ARHGAP25: variants seen among roughly 807,000 people sequenced by gnomAD.
ARHGAP25 encodes Rho GTPase activating protein 25.
Under a neutral mutation model 71.0 loss-of-function variants are expected in ARHGAP25, and 34 were observed. The observed-to-expected ratio is 0.48, with a 90% CI of 0.36 to 0.64. ARHGAP25 has a LOEUF of 0.64. Ranked by LOEUF, ARHGAP25 falls within the 30% of genes least tolerant of loss-of-function variation. The pLI is 0.00. For synonymous variants in ARHGAP25, 282 were observed against 296.5 expected, an observed-to-expected ratio of 0.95 and a Z score of 0.50; for missense variants, 706 against 805.1, an observed-to-expected ratio of 0.88 and a Z score of 1.49.
chr2:68,756,788 C>T (rs1041033179), intron 1 of ARHGAP25, among the ~76,000 whole-genome samples: 2 of 152,026 alleles, frequency 1.3e-5, no homozygotes, highest in African/African-American at 4.8e-5. Flanking sequence ...AAACGTATGG[C>T]CCACTCAAAG....
chr2:68,780,424 T>C (rs1259401178), intron 2 of ARHGAP25, among the ~76,000 whole-genome samples: 1 of 152,216 alleles, frequency 6.6e-6, no homozygotes, highest in Non-Finnish European at 1.5e-5. Context: ...TCATCCAAAG[T>C]AGCTCAGCAG....
In ARHGAP25 at chr2:68,715,531, CT is replaced by C. The variant is rs1433045013; in HGVS notation, c.-18+4834del. Among the ~76,000 whole-genome samples, 3 of 152,240 alleles carry C rather than the reference CT, an allele frequency of 2.0e-5. No homozygotes were observed. The East Asian group carries it at 5.8e-4, about 29-fold the overall frequency. ...TAGGGGCTTCCGGGAGGCGGTCGTG[CT>C]CTTGAAAAAGATGCTTGGGAAGAGT... On this transcript the variant is annotated intron_variant and NMD_transcript_variant, in intron 2 of 7. Coordinates refer to the ARHGAP25 transcript ENST00000463483.
intron 1 of ARHGAP25, among the ~76,000 whole-genome samples, chr2:68,736,504 A>G (rs188339538): frequency 6.6e-6 from 1 of 152,320 alleles, no homozygotes; most frequent in East Asian, 1.9e-4. Context: ...CTACATAAAT[A>G]AGGTCATTCT....
intron 2 of ARHGAP25, among the ~76,000 whole-genome samples, chr2:68,725,133 G>A (rs535277136): frequency 2.0e-5 from 3 of 152,198 alleles, no homozygotes; most frequent in African/African-American, 7.2e-5. Flanking sequence ...CCATGAGGCT[G>A]GTGCCTTGCT....
chr2:68,756,782 G>A (rs762738442), intron 1 of ARHGAP25, among the ~76,000 whole-genome samples: 19 of 152,064 alleles, frequency 1.2e-4, no homozygotes, highest in Non-Finnish European at 2.4e-4. Flanking sequence ...AAACAAAAAC[G>A]TATGGCCCAC....
At chr2:68,817,774 A>G (rs1573628657) in intron 7 of ARHGAP25, 99 bp from the exon 8 acceptor site, 1 of 1,431,698 alleles carries the variant, frequency 7.0e-7, no homozygotes, top group Non-Finnish European at 9.6e-7. Flanking sequence ...GTCTGGGAGG[A>G]AAGCATTGGA....
intron 1 of ARHGAP25, among the ~76,000 whole-genome samples, chr2:68,744,131 A>C (rs752367467): frequency 2.6e-5 from 4 of 152,172 alleles, no homozygotes; most frequent in African/African-American, 4.8e-5. Context: ...TTTTCTCCAG[A>C]AAGATCGGGA....
intron 1 of ARHGAP25, among the ~76,000 whole-genome samples, chr2:68,748,468 T>G (rs1268076017): frequency 6.6e-6 from 1 of 152,240 alleles, no homozygotes; most frequent in Non-Finnish European, 1.5e-5. Flanking sequence ...GATCATAAGC[T>G]TCTGAAGGCA....
At chr2:68,785,620 C>G (rs1184310683) in intron 3 of ARHGAP25, among the ~76,000 whole-genome samples, 3 of 151,934 alleles carry the variant, frequency 2.0e-5, no homozygotes, top group Non-Finnish European at 4.4e-5. Context: ...GAAACTATTG[C>G]TCAAGATAAT....
chr2:68,779,149 G>T (rs1678136382), intron 2 of ARHGAP25, among the ~76,000 whole-genome samples: 1 of 152,164 alleles, frequency 6.6e-6, no homozygotes, highest in Admixed American at 6.5e-5. Context: ...TTGTCTACCA[G>T]CGGTGTGCTG....
intron 9 of ARHGAP25, among the ~76,000 whole-genome samples, chr2:68,820,227 T>A (rs1681544496): frequency 6.6e-6 from 1 of 152,246 alleles, no homozygotes; most frequent in South Asian, 2.1e-4. Context: ...ATTATTTTAC[T>A]CATTTAATAG....
At position 68,782,348 on chromosome 2, in the gene ARHGAP25, G is replaced by A. The variant is rs1287914466; in HGVS notation, c.349+28G>A. ...AGGCCACCACAGGTAGGACAGAGGT[G>A]CAGTGCAGAAGTAAAATTCCCATTT... On this transcript the variant is annotated intron_variant, in intron 3 of 10. Coordinates refer to ENST00000409202, the MANE Select transcript of ARHGAP25 (RefSeq NM_001007231.3). 16 of 1,599,636 alleles carry A rather than the reference G, an allele frequency of 1.0e-5. No individual in the cohort carries two copies. In the South Asian group the frequency reaches 1.5e-4, roughly 15 times the overall value.
At chr2:68,710,597 C>T (rs1160368645) in exon 2 of ARHGAP25, 2 of 152,196 alleles carry the variant, frequency 1.3e-5, no homozygotes, top group Admixed American at 1.3e-4. Context: ...AGCTAAAGGA[C>T]ACACTCAGCT....
At chr2:68,753,606 T>A (rs71413160) in intron 1 of ARHGAP25, among the ~76,000 whole-genome samples, 8,247 of 152,196 alleles carry the variant, frequency 0.054, 304 homozygotes, top group Middle Eastern at 0.099. Context: ...AATGATGGGG[T>A]GCTATCTGTC....
intron 2 of ARHGAP25, among the ~76,000 whole-genome samples, chr2:68,777,340 T>G (rs2104380081): frequency 6.6e-6 from 1 of 152,344 alleles, no homozygotes; most frequent in East Asian, 1.9e-4. Context: ...GCCCTGTAAT[T>G]ATTTCATTTT....
intron 2 of ARHGAP25, among the ~76,000 whole-genome samples, chr2:68,777,477 G>A (rs1418392956): frequency 6.6e-6 from 1 of 152,172 alleles, no homozygotes; most frequent in African/African-American, 2.4e-5. Context: ...ATGTCAAAGG[G>A]TAAAATAAAT....
Position 68,817,877 on chromosome 2 carries a change from CTACATGAAA to C in ARHGAP25, c.891_899del (p.His297_Ile299del). 6.2e-7 allele frequency: 1 copy of C among 1,613,948 alleles called. No individual in the cohort carries two copies. The highest frequency in any genetic ancestry group is 8.5e-7 in the Non-Finnish European group (1 of 1,179,908). On this transcript the variant is annotated inframe_deletion, in exon 8 of 11. Coordinates refer to ENST00000409202, the MANE Select transcript of ARHGAP25 (RefSeq NM_001007231.3). ...GGATTTCTTGGCTGTCTGTAGGTTC[CTACATGAAA>C]TACAGCTGAACTGTGCTGTTAACAA... is the stretch of plus-strand genomic sequence containing the variant.
At chr2:68,732,928 A>T (rs1675062791), upstream of ARHGAP25, among the ~76,000 whole-genome samples, 1 of 152,216 alleles carries the variant, frequency 6.6e-6, no homozygotes, top group African/African-American at 2.4e-5. Context: ...TGGCTACTAT[A>T]GATCTAAGCA....
intron 8 of ARHGAP25, among the ~76,000 whole-genome samples, chr2:68,818,552 TC>T (rs1681398920): frequency 6.6e-6 from 1 of 152,228 alleles, no homozygotes; most frequent in African/African-American, 2.4e-5. Context: ...GGTCTCGAAC[TC>T]CTGACCTCAA....
Sources: allele counts gnomAD v4.1 joint callset (sites outside exome capture counted in the v4.1 genomes callset), GRCh38; gene constraint gnomAD v4.1.1; transcripts MANE v1.5; gene names NCBI Gene and HGNC (gene_info 2026-07-23, HGNC 2026-07-21).